Variants in SDK1 observed in about 807,000 individuals in gnomAD.
SDK1 encodes the protein sidekick cell adhesion molecule 1.
A neutral mutation model predicts 245.5 loss-of-function variants in SDK1; 157 were observed. The ratio of observed to expected loss-of-function variants is 0.64; its 90% CI spans 0.56 to 0.73. SDK1 has a LOEUF of 0.73. Among genes scored for constraint, SDK1 ranks in the 30% least tolerant of loss-of-function variants. SDK1 has a pLI of 0.00. For synonymous variants in SDK1, 1,647 were observed against 1,278.5 expected (o/e 1.29, Z -6.15); for missense variants, 3,583 against 3,002.3 (o/e 1.19, Z -4.52).
intron 17 of SDK1, among the ~76,000 whole-genome samples, chr7:4,043,564 A>G (rs990024186): frequency 6.6e-6 from 1 of 152,214 alleles, no homozygotes; most frequent in Non-Finnish European, 1.5e-5. Flanking sequence ...TAAATGGGTG[A>G]ACTCAGGAAT....
At chr7:3,346,680 G>GGTGT (rs1198115329) in intron 1 of SDK1, among the ~76,000 whole-genome samples, 1 of 127,620 alleles carries the variant, frequency 7.8e-6, no homozygotes, top group South Asian at 2.6e-4. Context: ...TTTTTTTTTT[G>GGTGT]GTGTGTGTGT....
chr7:4,252,748 T>C (rs1442062116), intron 44 of SDK1, among the ~76,000 whole-genome samples: 1 of 152,164 alleles, frequency 6.6e-6, no homozygotes, highest in Non-Finnish European at 1.5e-5. Flanking sequence ...TGAAGTCCTC[T>C]GGTCTCGGGC....
rs371559284 is a variant in SDK1, at chr7:4,049,378, C to T, written c.2633C>T (p.Thr878Met). The change falls in exon 18 of 45, where the codon ACG becomes ATG. Residue 878 changes from threonine to methionine, a missense_variant. Physicochemically the swap from Thr to Met is moderately conservative, Grantham distance 81. Coordinates refer to ENST00000404826, the MANE Select transcript of SDK1 (RefSeq NM_152744.4). ...ACCGCGCCCCCGCAGAACGTGCAGA[C>T]GGAAGCCGTGAACTCCACCACCATT... is the stretch of plus-strand genomic sequence containing the variant. Reference protein sequence around the residue: ...VPTAPPQNVQTEAVNSTTIQF... With the variant: ...VPTAPPQNVQMEAVNSTTIQF... 2.5e-5 allele frequency: 40 copies of T among 1,613,996 alleles called. No individual in the cohort carries two copies. The highest frequency in any genetic ancestry group is 1.6e-4 in the Middle Eastern group (1 of 6,084).
rs560356710 is a variant in SDK1, at chr7:3,503,962, C to G, written c.299-115118C>G. 2.0e-5 allele frequency among the ~76,000 whole-genome samples: 3 copies of G among 151,814 alleles called. No individual in the cohort carries two copies. The South Asian group carries it at 6.3e-4, about 32-fold the overall frequency. On this transcript the variant is annotated intron_variant, in intron 1 of 44. Transcript: ENST00000404826. ...GTCAGGAGTTTGAGACCAACTTGAC[C>G]AACATGGTGAAACCCTGTCTCTACT...
chr7:3,969,454 C>A, intron 11 of SDK1, 30 bp downstream of exon 11: 1 of 1,491,372 alleles, frequency 6.7e-7, no homozygotes, highest in Non-Finnish European at 9.0e-7. Flanking sequence ...CGTCGGCCTT[C>A]TGTTAGCCAC....
chr7:3,653,738 G>C (rs564704466), intron 4 of SDK1, among the ~76,000 whole-genome samples: 16 of 152,200 alleles, frequency 1.1e-4, no homozygotes, highest in African/African-American at 3.6e-4. Flanking sequence ...CTGTGATGAG[G>C]GTTTGCTCTA....
chr7:4,086,494 A>G (rs927463860), intron 22 of SDK1, among the ~76,000 whole-genome samples: 2 of 152,036 alleles, frequency 1.3e-5, no homozygotes, highest in Admixed American at 6.6e-5. Context: ...AGGTCCCCAT[A>G]CTGTGCTGTC....
At chr7:3,492,223 T>C (rs1781883266) in intron 1 of SDK1, among the ~76,000 whole-genome samples, 1 of 152,206 alleles carries the variant, frequency 6.6e-6, no homozygotes, top group South Asian at 2.1e-4. Context: ...TCTGCTAAAA[T>C]TGTTATGTGC....
chr7:3,335,915 A>T (rs1345888895), intron 1 of SDK1, among the ~76,000 whole-genome samples: 1 of 152,174 alleles, frequency 6.6e-6, no homozygotes, highest in African/African-American at 2.4e-5. Context: ...GCATAGGAAG[A>T]TGCTGAAAGG....
At chr7:3,502,750 G>A (rs1326774201) in intron 1 of SDK1, among the ~76,000 whole-genome samples, 1 of 152,134 alleles carries the variant, frequency 6.6e-6, no homozygotes, top group African/African-American at 2.4e-5. Flanking sequence ...TTTACAATGT[G>A]GAATGAGTAT....
At chr7:3,904,859 G>C (rs938754276) in intron 5 of SDK1, among the ~76,000 whole-genome samples, 5 of 151,994 alleles carry the variant, frequency 3.3e-5, no homozygotes, top group African/African-American at 1.2e-4. Flanking sequence ...CGGGTGTGGT[G>C]GTGGGCGCCT....
intron 1 of SDK1, among the ~76,000 whole-genome samples, chr7:3,352,818 A>G (rs1780695741): frequency 6.6e-6 from 1 of 151,742 alleles, no homozygotes; most frequent in South Asian, 2.1e-4. Flanking sequence ...GAAAAAATTG[A>G]GGTATTCACA....
Position 3,918,778 on chromosome 7 carries a change from C to T in SDK1, c.848-32145C>T, listed in dbSNP as rs528274759. 3.9e-5 allele frequency among the ~76,000 whole-genome samples: 6 copies of T among 152,202 alleles called. No individual in the cohort carries two copies. In the East Asian group the frequency reaches 7.7e-4, roughly 20 times the overall value. On this transcript the variant is annotated intron_variant, in intron 5 of 44. Coordinates refer to ENST00000404826, the MANE Select transcript of SDK1 (RefSeq NM_152744.4). Reference sequence around the variant, plus strand: ...CCACTCAGGTCTCTGCAGGAAATGACGCTGGACCGGCGGTTCTACCGAGAG... The same window carrying T: ...CCACTCAGGTCTCTGCAGGAAATGATGCTGGACCGGCGGTTCTACCGAGAG...
At chr7:3,897,014 A>G (rs1039504883) in intron 5 of SDK1, among the ~76,000 whole-genome samples, 1 of 152,080 alleles carries the variant, frequency 6.6e-6, no homozygotes, top group Non-Finnish European at 1.5e-5. Context: ...CAGGAGAGAG[A>G]GAGCAGAGGG....
chr7:4,162,251 C>A (rs1331166749), intron 32 of SDK1, among the ~76,000 whole-genome samples: 1 of 151,986 alleles, frequency 6.6e-6, no homozygotes, highest in Non-Finnish European at 1.5e-5. Flanking sequence ...AAACTGCAAC[C>A]GCTGGAGTTA....
intron 1 of SDK1, among the ~76,000 whole-genome samples, chr7:3,371,391 G>GTC (rs1443867214): frequency 6.6e-6 from 1 of 152,068 alleles, no homozygotes. Context: ...GGAGGACAGT[G>GTC]TCTCTCTCTG....
chr7:4,208,365 A>G (rs1204367821), intron 37 of SDK1, 80 bp downstream of exon 37: 2 of 1,357,222 alleles, frequency 1.5e-6, no homozygotes, highest in Non-Finnish European at 1.0e-6. Flanking sequence ...CCCCTCACAC[A>G]GTGGTTCCCG....
chr7:4,256,580 A>C (rs1787641711), intron 44 of SDK1, among the ~76,000 whole-genome samples: 1 of 152,264 alleles, frequency 6.6e-6, no homozygotes, highest in South Asian at 2.1e-4. Flanking sequence ...ACGAGGGTTT[A>C]AGACGTTTAT....
intron 44 of SDK1, among the ~76,000 whole-genome samples, chr7:4,252,834 T>A (rs111744483): frequency 7.4e-6 from 1 of 135,564 alleles, no homozygotes; most frequent in Non-Finnish European, 1.5e-5. Context: ...TCCCCCCCCC[T>A]CTTTTTTTTT....
Sources: allele counts gnomAD v4.1 joint callset (sites outside exome capture counted in the v4.1 genomes callset), GRCh38; gene constraint gnomAD v4.1.1; transcripts MANE v1.5; gene names NCBI Gene and HGNC (gene_info 2026-07-23, HGNC 2026-07-21).